The following DSG2 variants were observed in gnomAD, a reference collection of about 807,000 sequenced individuals.
The protein encoded by DSG2 is desmoglein-2.
DSG2 carries 45 observed loss-of-function variants against 75.6 expected under a neutral mutation model. The observed-to-expected ratio is 0.60, with a 90% CI of 0.47 to 0.76. The LOEUF (loss-of-function observed/expected upper bound fraction) is 0.76. DSG2 is among the 30% of genes least tolerant of loss of function. The pLI is 0.00. For synonymous variants in DSG2, 429 were observed against 483.9 expected, an observed-to-expected ratio of 0.89 and a Z score of 1.49; for missense variants, 1,267 against 1,357.4, an observed-to-expected ratio of 0.93 and a Z score of 1.05.
At chr18:31,504,943 C>G (rs1021640370) in intron 1 of DSG2, among the ~76,000 whole-genome samples, 8 of 152,202 alleles carry the variant, frequency 5.3e-5, no homozygotes, top group Non-Finnish European at 2.9e-5. Flanking sequence ...CTGTCTATCT[C>G]ATTGCCATTC....
intron 6 of DSG2, among the ~76,000 whole-genome samples, chr18:31,523,448 A>G (rs1005457074): frequency 6.6e-6 from 1 of 152,180 alleles, no homozygotes; most frequent in African/African-American, 2.4e-5. Context: ...AATTGGAAGG[A>G]CTGTGCCTAA....
intron 4 of DSG2, 33 bp downstream of exon 4, chr18:31,520,997 T>C (rs774139117): frequency 1.4e-5 from 23 of 1,610,318 alleles, no homozygotes; most frequent in Admixed American, 1.2e-4. Context: ...TATTAGTTTG[T>C]AGTTTTTCTG....
intron 9 of DSG2, among the ~76,000 whole-genome samples, chr18:31,533,286 C>G (rs571029075): frequency 6.6e-6 from 1 of 152,038 alleles, no homozygotes; most frequent in African/African-American, 2.4e-5. Context: ...CTGGGCAACA[C>G]AGCAAGACCT....
chr18:31,546,324 G>A lies in DSG2; in HGVS notation c.2938G>A (p.Ala980Thr), dbSNP rs1387453473. 3.0e-5 allele frequency: 48 copies of A among 1,608,788 alleles called. No homozygotes were observed. In the Admixed American group the frequency reaches 7.9e-4, roughly 26 times the overall value. ...PASTLVDQPY[A>T]NEGTVVVTER... ...TTCTACCTTGGTAGATCAGCCTTATGCTAATGAAGGTACAGTTGTGGTCAC... is the reference window on the plus strand; with the variant it reads ...TTCTACCTTGGTAGATCAGCCTTATACTAATGAAGGTACAGTTGTGGTCAC... Residue 980 changes from alanine (A) to threonine (T), a missense_variant, in exon 15 of 15, where the codon GCT becomes ACT. By Grantham distance (58) the Ala-to-Thr change is moderately conservative. Transcript: ENST00000261590.
Position 31,546,621 on chromosome 18 carries a change from G to C in DSG2, c.3235G>C (p.Ala1079Pro). 1 of 1,614,190 alleles carries C rather than the reference G, an allele frequency of 6.2e-7. No homozygotes were observed. The highest frequency in any genetic ancestry group is 8.5e-7 in the Non-Finnish European group (1 of 1,180,028). Residue 1079 changes from alanine to proline, a missense_variant, in exon 15 of 15, where the codon GCT becomes CCT. Physicochemically the swap from Ala to Pro is conservative, Grantham distance 27. Coordinates refer to ENST00000261590, the MANE Select transcript of DSG2 (RefSeq NM_001943.5). ...MTARNTTVSG[A>P]GVPGPLPDFG... Reference sequence around the variant, plus strand: ...GGCTAGGAACACCACGGTGTCTGGAGCTGGAGTCCCTGGCCCTCTGCCAGA... The same window carrying C: ...GGCTAGGAACACCACGGTGTCTGGACCTGGAGTCCCTGGCCCTCTGCCAGA...
At chr18:31,542,248 G>A in intron 13 of DSG2, 1 of 515,674 alleles carries the variant, frequency 1.9e-6, no homozygotes, top group South Asian at 2.1e-5. Context: ...GAGGGAGGTT[G>A]AAATGCCATT....
At chr18:31,543,678 C>T (rs979762853) in intron 14 of DSG2, among the ~76,000 whole-genome samples, 3 of 152,008 alleles carry the variant, frequency 2.0e-5, no homozygotes, top group African/African-American at 7.2e-5. Context: ...CCAGCTTGGG[C>T]AATATGTTAA....
chr18:31,545,272 C>A (rs1177728570), intron 14 of DSG2, among the ~76,000 whole-genome samples: 1 of 152,172 alleles, frequency 6.6e-6, no homozygotes, highest in Non-Finnish European at 1.5e-5. Flanking sequence ...GCCACATTTG[C>A]TATTTGCTTT....
intron 2 of DSG2, among the ~76,000 whole-genome samples, chr18:31,519,601 A>G (rs1179271295): frequency 5.9e-5 from 9 of 152,146 alleles, no homozygotes; most frequent in African/African-American, 2.2e-4. Flanking sequence ...CTACACTTTT[A>G]CTAGCTTGGA....
intron 8 of DSG2, 55 bp downstream of exon 8, chr18:31,524,943 CTAATA>C: frequency 6.5e-7 from 1 of 1,538,426 alleles, no homozygotes; most frequent in African/African-American, 1.4e-5. Context: ...GGAAAGGAAT[CTAATA>C]TATTTTGAGC....
At chr18:31,500,973 G>A (rs935887837) in intron 1 of DSG2, among the ~76,000 whole-genome samples, 1 of 152,128 alleles carries the variant, frequency 6.6e-6, no homozygotes, top group Non-Finnish European at 1.5e-5. Flanking sequence ...AGTAGTGTGA[G>A]CAGTAGCTGT....
intron 1 of DSG2, among the ~76,000 whole-genome samples, chr18:31,515,053 CAA>C (rs1243108268): frequency 1.3e-5 from 2 of 152,100 alleles, no homozygotes; most frequent in Non-Finnish European, 2.9e-5. Flanking sequence ...TGGCCTGTAT[CAA>C]AGAGAAGAGT....
Position 31,541,266 on chromosome 18 carries a change from A to G in DSG2, c.1953A>G (p.Ile651Met). 1 of 1,614,174 alleles carries G rather than the reference A, an allele frequency of 6.2e-7. No homozygotes were observed. Among genetic ancestry groups the G allele is most frequent in the East Asian group, 2.2e-5 (1 of 44,874 alleles). ...AKGFTPIPGT[I>M]EMLHPWNNEG... ...GCTTTACCCCCATACCTGGCACCATAGAGATGCTGCATCCTTGGAATAATG... is the reference window on the plus strand; with the variant it reads ...GCTTTACCCCCATACCTGGCACCATGGAGATGCTGCATCCTTGGAATAATG... The change falls in exon 13 of 15, where the codon ATA becomes ATG. Residue 651 changes from isoleucine to methionine, a missense_variant. Transcript: ENST00000261590.
chr18:31,535,513 C>T (rs1320003896), intron 10 of DSG2, 101 bp downstream of exon 10: 12 of 1,135,474 alleles, frequency 1.1e-5, no homozygotes, highest in African/African-American at 7.8e-5. Flanking sequence ...AACCTAATCT[C>T]GGCCGGGAGC....
chr18:31,525,290 C>A (rs2073156812), intron 8 of DSG2, among the ~76,000 whole-genome samples: 1 of 152,082 alleles, frequency 6.6e-6, no homozygotes, highest in Admixed American at 6.6e-5. Flanking sequence ...CCAAGGCAGG[C>A]AGATAGCTTG....
At chr18:31,531,747 C>T (rs888490688) in intron 9 of DSG2, among the ~76,000 whole-genome samples, 2 of 152,226 alleles carry the variant, frequency 1.3e-5, no homozygotes, top group Non-Finnish European at 2.9e-5. Flanking sequence ...GCCTCCTACA[C>T]TGTTTATGTT....
chr18:31,532,157 T>G (rs1020735407), intron 9 of DSG2, among the ~76,000 whole-genome samples: 1 of 152,200 alleles, frequency 6.6e-6, no homozygotes, highest in African/African-American at 2.4e-5. Context: ...AACAGCAGAT[T>G]TGTTACTCAC....
rs2073277829 is a variant in DSG2, at chr18:31,542,794, G to C, written c.2276G>C (p.Gly759Ala). The change falls in exon 14 of 15, where the codon GGA becomes GCA. Residue 759 changes from glycine to alanine, a missense_variant. Coordinates refer to ENST00000261590, the MANE Select transcript of DSG2 (RefSeq NM_001943.5). ...RATGASRDMA[G>A]AQAAAVALNE... ...ACAGGGGCTTCCAGAGACATGGCCG[G>C]AGCTCAGGCAGCTGCTGTTGCACTG... 1 of 1,603,266 alleles carries C rather than the reference G, an allele frequency of 6.2e-7. No homozygotes were observed.
At chr18:31,520,682 T>A in intron 3 of DSG2, 121 bp from the exon 4 acceptor site, 1 of 1,066,340 alleles carries the variant, frequency 9.4e-7, no homozygotes, top group Non-Finnish European at 1.4e-6. Flanking sequence ...CAGAAGGAAA[T>A]TGTCCATAAA....
Sources: gnomAD v4.1 joint callset for allele counts (sites outside exome capture counted in the v4.1 genomes callset) on GRCh38, gnomAD v4.1.1 for gene constraint, MANE v1.5 for transcripts, NCBI Gene and HGNC (gene_info 2026-07-23, HGNC 2026-07-21) for gene names.